ALDH8A1: variants seen among roughly 807,000 people sequenced by gnomAD.
The protein encoded by ALDH8A1 is aldehyde dehydrogenase 8 family member A1.
A neutral mutation model predicts 43.3 loss-of-function variants in ALDH8A1; 39 were observed. The observed-to-expected ratio is 0.90, with a 90% CI of 0.70 to 1.18. ALDH8A1 has a LOEUF of 1.18. Ranked by LOEUF, ALDH8A1 falls within the 50% of genes most tolerant of loss-of-function variation. The pLI is 0.00. For missense variants in ALDH8A1, 605 were observed against 622.6 expected, an observed-to-expected ratio of 0.97 and a Z score of 0.30; for synonymous variants, 233 against 243.5, an observed-to-expected ratio of 0.96 and a Z score of 0.40.
At chr6:134,922,993 A>T (rs1449623974) in intron 6 of ALDH8A1, among the ~76,000 whole-genome samples, 1 of 152,150 alleles carries the variant, frequency 6.6e-6, no homozygotes, top group Non-Finnish European at 1.5e-5. Flanking sequence ...TTATCTTTGA[A>T]ACATTCTATA....
chr6:134,938,847 T>G (rs911630076), intron 4 of ALDH8A1, among the ~76,000 whole-genome samples: 7 of 151,820 alleles, frequency 4.6e-5, no homozygotes, highest in African/African-American at 1.7e-4. Flanking sequence ...CGGGGTTTCA[T>G]CGTATTAGCC....
At chr6:134,934,322 C>T (rs1773690927) in intron 4 of ALDH8A1, among the ~76,000 whole-genome samples, 1 of 152,138 alleles carries the variant, frequency 6.6e-6, no homozygotes, top group African/African-American at 2.4e-5. Flanking sequence ...TCAGTGTAAG[C>T]AGAAACCAGC....
At chr6:134,926,930 C>T (rs1482835857) in intron 6 of ALDH8A1, among the ~76,000 whole-genome samples, 1 of 152,136 alleles carries the variant, frequency 6.6e-6, no homozygotes, top group Non-Finnish European at 1.5e-5. Flanking sequence ...TAATGGGCAC[C>T]CTTAAGCTCA....
chr6:134,929,313 C>T, intron 5 of ALDH8A1, 98 bp from the exon 6 acceptor site: 1 of 1,307,060 alleles, frequency 7.7e-7, no homozygotes, highest in Non-Finnish European at 1.0e-6. Context: ...AGGCACTGGT[C>T]TAGGCAATGG....
intron 4 of ALDH8A1, among the ~76,000 whole-genome samples, chr6:134,934,445 C>G (rs2114694839): frequency 6.6e-6 from 1 of 152,332 alleles, no homozygotes; most frequent in East Asian, 1.9e-4. Context: ...GCTCACCAGT[C>G]TCACAACACA....
intron 5 of ALDH8A1, among the ~76,000 whole-genome samples, chr6:134,931,004 C>G (rs888129790): frequency 4.6e-5 from 7 of 152,154 alleles, no homozygotes; most frequent in African/African-American, 1.4e-4. Flanking sequence ...TTCAAAAAAG[C>G]CAATTACATT....
rs1357801808 is a variant in ALDH8A1 at position 134,949,928 on chromosome 6, A to T, written c.126T>A (p.Ser42Arg). 1.9e-6 allele frequency: 3 copies of T among 1,591,334 alleles called. No individual in the cohort carries two copies. The highest frequency in any genetic ancestry group is 2.6e-6 in the Non-Finnish European group (3 of 1,168,376). ...TGCATATACTCACCTCGTCTTTTCC[A>T]CTATTTGGCACTCTGCAATACACTT... is the stretch of plus-strand genomic sequence containing the variant. ...TGEVYCRVPN[S>R]GKDEIEAAVK... The change falls in exon 1 of 7, where the codon AGT becomes AGA. Residue 42 changes from serine to arginine, a missense_variant. Transcript: ENST00000265605.
At chr6:134,949,841 C>T in intron 1 of ALDH8A1, 75 bp downstream of exon 1, 1 of 1,453,512 alleles carries the variant, frequency 6.9e-7, no homozygotes, top group South Asian at 1.7e-5. Flanking sequence ...ACTCCCTCTG[C>T]TTTTAGAAAA....
At chr6:134,932,674 G>T in intron 5 of ALDH8A1, 102 bp downstream of exon 5, 1 of 1,480,640 alleles carries the variant, frequency 6.8e-7, no homozygotes. Flanking sequence ...CTCGGAAATG[G>T]CACTGGATTG....
intron 4 of ALDH8A1, among the ~76,000 whole-genome samples, chr6:134,937,033 C>A (rs1228305716): frequency 6.6e-6 from 1 of 151,992 alleles, no homozygotes. Flanking sequence ...CACACACCCA[C>A]CTACACACAC....
chr6:134,923,149 C>T (rs1314894712), intron 6 of ALDH8A1, among the ~76,000 whole-genome samples: 1 of 152,140 alleles, frequency 6.6e-6, no homozygotes, highest in Non-Finnish European at 1.5e-5. Flanking sequence ...GCCTCAGCCT[C>T]CTGAGTAGCT....
intron 6 of ALDH8A1, among the ~76,000 whole-genome samples, chr6:134,920,228 G>A (rs1221969146): frequency 6.6e-6 from 1 of 152,078 alleles, no homozygotes; most frequent in African/African-American, 2.4e-5. Flanking sequence ...TAGAGCATTT[G>A]GTACAGATTT....
At chr6:134,933,172 G>C in intron 4 of ALDH8A1, 140 bp from the exon 5 acceptor site, 6 of 977,384 alleles carry the variant, frequency 6.1e-6, no homozygotes, top group Non-Finnish European at 7.1e-6. Context: ...TACAACACTT[G>C]GAACTTCTAT....
At chr6:134,918,910 G>A in intron 6 of ALDH8A1, 43 bp from the exon 7 acceptor site, 1 of 1,579,076 alleles carries the variant, frequency 6.3e-7, no homozygotes, top group Non-Finnish European at 8.7e-7. Flanking sequence ...TTACCATGTG[G>A]CTTCACACAA....
Position 134,943,917 on chromosome 6 carries a change from G to A in ALDH8A1, c.188C>T (p.Ser63Phe). 1.9e-6 allele frequency: 3 copies of A among 1,614,202 alleles called. No homozygotes were observed. Among genetic ancestry groups the A allele is most frequent in the Non-Finnish European group, 2.5e-6 (3 of 1,180,024 alleles). ...CCGTGAGCGCTCCTGGGGGCTGCGG[G>A]ATGACCAGCTGGGAAAGGCTTCTCT... Reference protein sequence around the residue: ...AAREAFPSWSSRSPQERSRVL... With the variant: ...AAREAFPSWSFRSPQERSRVL... The change falls in exon 2 of 7, where the codon TCC becomes TTC. Residue 63 changes from serine to phenylalanine, a missense_variant. Coordinates refer to ENST00000265605, the MANE Select transcript of ALDH8A1 (RefSeq NM_022568.4).
intron 3 of ALDH8A1, among the ~76,000 whole-genome samples, chr6:134,941,191 G>C (rs958513115): frequency 6.6e-6 from 1 of 152,070 alleles, no homozygotes; most frequent in Non-Finnish European, 1.5e-5. Context: ...TTTATTTAAT[G>C]TACATAAATA....
At chr6:134,943,427 T>G in intron 2 of ALDH8A1, among the ~76,000 whole-genome samples, 1 of 152,212 alleles carries the variant, frequency 6.6e-6, no homozygotes, top group Non-Finnish European at 1.5e-5. Context: ...TCTGACTGCA[T>G]AACTGCTTTT....
At chr6:134,949,047 GA>G (rs1197850800) in intron 1 of ALDH8A1, among the ~76,000 whole-genome samples, 1 of 150,638 alleles carries the variant, frequency 6.6e-6, no homozygotes, top group African/African-American at 2.4e-5. Flanking sequence ...TAACAAAAAA[GA>G]AAAAAAATAG....
chr6:134,949,982 A>T lies in ALDH8A1; in HGVS notation c.72T>A (p.Tyr24Ter). 1.9e-6 allele frequency: 3 copies of T among 1,613,292 alleles called. 1 individual carries two copies. Among genetic ancestry groups the T allele is most frequent in the Non-Finnish European group, 2.5e-6 (3 of 1,179,622 alleles). Reference sequence around the variant, plus strand: ...CTGTTGATGGGTCGTAAGAATCTATATATGAGCTACAAGGTAAAAATTTTC... The same window carrying T: ...CTGTTGATGGGTCGTAAGAATCTATTTATGAGCTACAAGGTAAAAATTTTC... ...IDGKFLPCSSYIDSYDPSTGE... is the reference protein window; with the variant it reads ...IDGKFLPCSS The change falls in exon 1 of 7, where the codon TAT (tyrosine) becomes TAA (stop). Residue 24 changes from tyrosine to a stop codon, truncating the protein, a stop_gained. Coordinates refer to ENST00000265605, the MANE Select transcript of ALDH8A1 (RefSeq NM_022568.4). LOFTEE classifies it high-confidence loss of function.
Sources: allele counts gnomAD v4.1 joint callset (sites outside exome capture counted in the v4.1 genomes callset), GRCh38; gene constraint gnomAD v4.1.1; transcripts MANE v1.5; gene names NCBI Gene and HGNC (gene_info 2026-07-23, HGNC 2026-07-21).